The following CORO1C variants were observed in gnomAD, a reference collection of about 807,000 sequenced individuals.
The protein encoded by CORO1C is coronin-1C.
A neutral mutation model predicts 51.2 loss-of-function variants in CORO1C; 14 were observed. That is an observed-to-expected ratio of 0.27 (90% CI 0.18 to 0.43). CORO1C has a LOEUF of 0.43. CORO1C is among the 20% of genes least tolerant of loss of function. The pLI, the probability that CORO1C is intolerant of heterozygous loss-of-function variation, is 1.00. For synonymous variants in CORO1C, 181 were observed against 210.5 expected (o/e 0.86, Z 1.21); for missense variants, 417 against 607.8 (o/e 0.69, Z 3.30).
chr12:108,649,195 G>C, intron 8 of CORO1C, 175 bp from the exon 9 acceptor site: 1 of 683,450 alleles, frequency 1.5e-6, no homozygotes, highest in East Asian at 2.7e-5. Flanking sequence ...TGACAGATGA[G>C]AGAACGGAAG....
At chr12:108,721,690 G>A (rs1430761763) in intron 1 of CORO1C, among the ~76,000 whole-genome samples, 1 of 152,086 alleles carries the variant, frequency 6.6e-6, no homozygotes, top group Non-Finnish European at 1.5e-5. Flanking sequence ...GGCACTAACA[G>A]AATGGAGAGG....
chr12:108,699,743 G>A (rs998129317), intron 2 of CORO1C, among the ~76,000 whole-genome samples: 5 of 152,126 alleles, frequency 3.3e-5, no homozygotes, highest in Non-Finnish European at 5.9e-5. Flanking sequence ...GCCACTGAAC[G>A]ACAATTTTTT....
At chr12:108,713,652 A>AG (rs2035247163) in intron 1 of CORO1C, among the ~76,000 whole-genome samples, 1 of 152,236 alleles carries the variant, frequency 6.6e-6, no homozygotes, top group Admixed American at 6.5e-5. Context: ...GTCACGTTTC[A>AG]GCCTGAAGAC....
At position 108,660,451 on chromosome 12, in the gene CORO1C, C is replaced by CA. The variant is rs139334112; in HGVS notation, c.449-1533dup. Among the ~76,000 whole-genome samples the CA allele has an allele frequency of 6.4e-3, 561 of 87,292 alleles. 1 individual carries two copies. Among genetic ancestry groups the CA allele is most frequent in the African/African-American group, 8.3e-3 (194 of 23,340 alleles). The allele number at this position is 87,292 out of a possible 152,430, so 57.3% of individuals were successfully genotyped here. On this transcript the variant is annotated intron_variant, in intron 4 of 10. Transcript: ENST00000261401. ...GAGCAACAAGAGCGAAACTCCATCT[C>CA]AAAAAAAAAAAAAAAAAAAAAAGAA...
At chr12:108,693,955 A>C (rs1164688606) in intron 2 of CORO1C, among the ~76,000 whole-genome samples, 1 of 152,298 alleles carries the variant, frequency 6.6e-6, no homozygotes, top group African/African-American at 2.4e-5. Flanking sequence ...TTCATGCACA[A>C]AGCACCCCCC....
At chr12:108,721,281 ATCTCATCTACCCATC>A (rs1363029900) in intron 1 of CORO1C, among the ~76,000 whole-genome samples, 4 of 152,190 alleles carry the variant, frequency 2.6e-5, no homozygotes, top group Non-Finnish European at 5.9e-5. Context: ...AATCAGGGCC[ATCTCATCTACCCATC>A]TTACACTACT....
chr12:108,692,238 C>T (rs1208245792), intron 2 of CORO1C, among the ~76,000 whole-genome samples: 2 of 152,120 alleles, frequency 1.3e-5, no homozygotes, highest in Non-Finnish European at 2.9e-5. Context: ...AGGCATCAGA[C>T]AATCTATTTC....
At chr12:108,725,033 T>C (rs532278650) in intron 1 of CORO1C, among the ~76,000 whole-genome samples, 2 of 152,328 alleles carry the variant, frequency 1.3e-5, no homozygotes, top group East Asian at 3.9e-4. Context: ...ATCCATCTTT[T>C]GCCAGGAACT....
chr12:108,707,014 C>G (rs2035049584), intron 1 of CORO1C, among the ~76,000 whole-genome samples: 1 of 152,078 alleles, frequency 6.6e-6, no homozygotes, highest in Admixed American at 6.5e-5. Flanking sequence ...ACTCTGAAAA[C>G]TCAAAATACT....
At chr12:108,673,956 T>C (rs1003546624) in intron 3 of CORO1C, among the ~76,000 whole-genome samples, 2 of 152,102 alleles carry the variant, frequency 1.3e-5, no homozygotes, top group African/African-American at 4.8e-5. Context: ...AAACAAAGCA[T>C]GAATGACAGC....
At chr12:108,694,396 A>AT (rs577893111) in intron 2 of CORO1C, among the ~76,000 whole-genome samples, 81 of 152,172 alleles carry the variant, frequency 5.3e-4, no homozygotes, top group East Asian at 5.0e-3. Context: ...ACTGTGTTAA[A>AT]TTTCACAAAC....
At chr12:108,654,256 A>C (rs1454790330) in intron 7 of CORO1C, 50 bp downstream of exon 7, 1 of 1,175,968 alleles carries the variant, frequency 8.5e-7, no homozygotes, top group African/African-American at 1.5e-5. Flanking sequence ...CTGAAGGATA[A>C]ATGTTTCCAC....
At chr12:108,659,897 G>A (rs1015367208) in intron 4 of CORO1C, among the ~76,000 whole-genome samples, 2 of 152,150 alleles carry the variant, frequency 1.3e-5, no homozygotes, top group South Asian at 2.1e-4. Flanking sequence ...ATTCAGAAAC[G>A]GATTCTGAAA....
intron 3 of CORO1C, among the ~76,000 whole-genome samples, chr12:108,674,848 C>T (rs2033849359): frequency 6.6e-6 from 1 of 152,192 alleles, no homozygotes; most frequent in South Asian, 2.1e-4. Flanking sequence ...CTGGTAACGA[C>T]GCTGTGAACA....
At chr12:108,717,124 G>A (rs569938671) in intron 1 of CORO1C, among the ~76,000 whole-genome samples, 1 of 152,224 alleles carries the variant, frequency 6.6e-6, no homozygotes, top group African/African-American at 2.4e-5. Context: ...TCAGAGAAGC[G>A]ACACTTAAGC....
chr12:108,663,991 G>A (rs188816889), intron 3 of CORO1C, among the ~76,000 whole-genome samples: 1 of 152,276 alleles, frequency 6.6e-6, no homozygotes, highest in East Asian at 1.9e-4. Context: ...GTTTAACAAT[G>A]AACAACAAAG....
At chr12:108,649,299 G>T (rs2032532576) in intron 8 of CORO1C, 3 of 481,180 alleles carry the variant, frequency 6.2e-6, no homozygotes, top group South Asian at 4.8e-5. Context: ...TTATCTGGGG[G>T]ACAGACCAAC....
In CORO1C at chr12:108,652,440, C is replaced by T. The variant is rs767838538; in HGVS notation, c.856-23G>A. 7 of 1,604,268 alleles carry T rather than the reference C, an allele frequency of 4.4e-6. No homozygotes were observed. The African/African-American group carries it at 8.0e-5, about 18-fold the overall frequency. On this transcript the variant is annotated intron_variant, in intron 7 of 10. Transcript: ENST00000261401. ...ACCCTGTAAGAAACCAGAGACAAGT[C>T]TGTGTCTGATTGTTAACTGAAACAT...
At chr12:108,720,118 C>T (rs915242395) in intron 1 of CORO1C, among the ~76,000 whole-genome samples, 7 of 151,744 alleles carry the variant, frequency 4.6e-5, no homozygotes, top group South Asian at 2.1e-4. Flanking sequence ...CCTGGGAGGG[C>T]GACGCTGCAT....
Sources: gnomAD v4.1 joint callset for allele counts (sites outside exome capture counted in the v4.1 genomes callset) on GRCh38, gnomAD v4.1.1 for gene constraint, MANE v1.5 for transcripts, NCBI Gene and HGNC (gene_info 2026-07-23, HGNC 2026-07-21) for gene names.